FRMD6: variants seen among roughly 807,000 people sequenced by gnomAD.
FRMD6 encodes FERM domain-containing protein 6.
A neutral mutation model predicts 73.2 loss-of-function variants in FRMD6; 37 were observed. The ratio of observed to expected loss-of-function variants is 0.51; its 90% CI spans 0.39 to 0.66. FRMD6 has a LOEUF of 0.66. Among genes scored for constraint, FRMD6 ranks in the 30% least tolerant of loss-of-function variants. The probability of loss-of-function intolerance (pLI) is 0.00; values close to 1 mark genes in which losing one functional copy is unlikely to be tolerated. For synonymous variants in FRMD6, 273 were observed against 282.2 expected (o/e 0.97, Z 0.33); for missense variants, 714 against 780.5 (o/e 0.91, Z 1.02).
rs75865493 is a variant in FRMD6 at position 51,525,070 on chromosome 14, AATAGATAG to A, written c.-210+35696_-210+35703del. ...GAGAGAGAGAGAGACAGACAAATAG[AATAGATAG>A]ATAGATAGATAGATAGATAGATAGA... On this transcript the variant is annotated intron_variant, in intron 1 of 14. Coordinates refer to the FRMD6 transcript ENST00000356218. Among the ~76,000 whole-genome samples, 875 of 101,972 alleles carry A rather than the reference AATAGATAG, an allele frequency of 8.6e-3. 12 individuals carry two copies. Among genetic ancestry groups the A allele is most frequent in the Middle Eastern group, 0.013 (3 of 224 alleles). 66.9% of individuals were successfully genotyped at this position (101,972 alleles called of 152,430 possible). A position where few individuals can be genotyped will look rare whatever the true frequency, so the allele number is the denominator to read the frequency against.
intron 1 of FRMD6, among the ~76,000 whole-genome samples, chr14:51,653,637 C>T (rs536623649): frequency 6.6e-6 from 1 of 151,974 alleles, no homozygotes; most frequent in African/African-American, 2.4e-5. Flanking sequence ...GGGGAGAAGA[C>T]CAGAAGAGAG....
At chr14:51,552,212 A>C (rs1886878606) in intron 1 of FRMD6, among the ~76,000 whole-genome samples, 1 of 152,256 alleles carries the variant, frequency 6.6e-6, no homozygotes, top group African/African-American at 2.4e-5. Flanking sequence ...ATTTAAAGGG[A>C]GATTAAGATA....
chr14:51,438,098 G>A, the FRMD6 span, among the ~76,000 whole-genome samples: 2 of 152,180 alleles, frequency 1.3e-5, no homozygotes, highest in Admixed American at 6.5e-5. Context: ...AGTTATAGAA[G>A]GTGCAAAGGG....
At position 51,698,269 on chromosome 14, in the gene FRMD6, C is replaced by G. The variant is rs114289355; in HGVS notation, c.190+37C>G. The G allele has an allele frequency of 1.9e-5, 27 of 1,428,848 alleles. No homozygotes were observed. In the African/African-American group the frequency reaches 3.5e-4, roughly 19 times the overall value. The allele number at this position is 1,428,848 out of a possible 1,614,324, so 88.5% of individuals were successfully genotyped here. A position where few individuals can be genotyped will look rare whatever the true frequency, so the allele number is the denominator to read the frequency against. ...AGCCCTCTCTGATGGATTTAGCCAA[C>G]TATCCCTGAGGAAATGACATCTTAT... On this transcript the variant is annotated intron_variant, in intron 3 of 13. Coordinates refer to ENST00000344768, the MANE Select transcript of FRMD6 (RefSeq NM_001267046.2).
the FRMD6 span, among the ~76,000 whole-genome samples, chr14:51,476,440 T>C: frequency 1.3e-5 from 2 of 152,160 alleles, no homozygotes; most frequent in African/African-American, 4.8e-5. Context: ...CTCTGTGGAC[T>C]TTGAAAACAG....
At chr14:51,405,661 T>G in the FRMD6 span, among the ~76,000 whole-genome samples, 3 of 152,102 alleles carry the variant, frequency 2.0e-5, no homozygotes, top group African/African-American at 7.2e-5. Flanking sequence ...TTTAATGGGG[T>G]TATTTGTTTT....
intron 6 of FRMD6, 27 bp from the exon 7 acceptor site, chr14:51,708,051 C>G (rs1395237330): frequency 6.8e-6 from 11 of 1,608,968 alleles, no homozygotes; most frequent in African/African-American, 1.3e-5. Context: ...ACAAATGTTG[C>G]ATTGCACACC....
chr14:51,526,383 G>A (rs1170288545), intron 1 of FRMD6, among the ~76,000 whole-genome samples: 1 of 152,128 alleles, frequency 6.6e-6, no homozygotes, highest in Admixed American at 6.5e-5. Context: ...TCATGAGCAA[G>A]AAATACCAGG....
chr14:51,553,288 T>C (rs1269585499), intron 1 of FRMD6, among the ~76,000 whole-genome samples: 1 of 152,174 alleles, frequency 6.6e-6, no homozygotes, highest in Non-Finnish European at 1.5e-5. Context: ...AAATACATTA[T>C]TTCCAATGAA....
chr14:51,478,819 G>A, the FRMD6 span, among the ~76,000 whole-genome samples: 3 of 152,144 alleles, frequency 2.0e-5, no homozygotes, highest in African/African-American at 4.8e-5. Context: ...GCTATCTTTA[G>A]CCTAAATCAT....
chr14:51,448,582 T>G, the FRMD6 span, among the ~76,000 whole-genome samples: 1 of 152,196 alleles, frequency 6.6e-6, no homozygotes, highest in Non-Finnish European at 1.5e-5. Context: ...TATAAGTTAG[T>G]TACCCATTGG....
chr14:51,643,902 T>C (rs1414134485), intron 2 of FRMD6, among the ~76,000 whole-genome samples: 1 of 152,184 alleles, frequency 6.6e-6, no homozygotes, highest in Non-Finnish European at 1.5e-5. Context: ...TCTAGTAAAA[T>C]CCTGCTAATA....
intron 1 of FRMD6, among the ~76,000 whole-genome samples, chr14:51,508,538 G>A (rs1390683844): frequency 2.6e-5 from 4 of 152,162 alleles, no homozygotes; most frequent in East Asian, 1.9e-4. Context: ...ACAGGTGGTC[G>A]ACTATTGTTC....
chr14:51,639,348 T>A (rs1181956874), intron 2 of FRMD6, among the ~76,000 whole-genome samples: 1 of 151,624 alleles, frequency 6.6e-6, no homozygotes, highest in Non-Finnish European at 1.5e-5. Context: ...GGCAGGAGAA[T>A]GGCGTGAACC....
At chr14:51,590,106 T>A (rs867022055) in intron 2 of FRMD6, among the ~76,000 whole-genome samples, 5 of 151,470 alleles carry the variant, frequency 3.3e-5, no homozygotes, top group East Asian at 1.9e-4. Flanking sequence ...GAGAATTTTT[T>A]AAAAAGTTTT....
chr14:51,400,637 C>T, the FRMD6 span, among the ~76,000 whole-genome samples: 2 of 151,914 alleles, frequency 1.3e-5, no homozygotes, highest in South Asian at 4.2e-4. Context: ...TATATAATTA[C>T]AATAAAAAAC....
intron 1 of FRMD6, among the ~76,000 whole-genome samples, chr14:51,564,471 C>T (rs1436904304): frequency 2.0e-5 from 3 of 152,062 alleles, no homozygotes; most frequent in Non-Finnish European, 4.4e-5. Context: ...AAAAATGGAG[C>T]GACCTGAAGG....
chr14:51,494,776 A>T (rs778904286), intron 1 of FRMD6, among the ~76,000 whole-genome samples: 1 of 152,178 alleles, frequency 6.6e-6, no homozygotes, highest in Admixed American at 6.5e-5. Context: ...TGAAGGTGAC[A>T]GCCGTAATAT....
intron 1 of FRMD6, among the ~76,000 whole-genome samples, chr14:51,539,889 TA>T (rs1596559372): frequency 6.6e-6 from 1 of 152,156 alleles, no homozygotes; most frequent in East Asian, 1.9e-4. Context: ...TTACTTTCCT[TA>T]CCAAATTAGT....
Sources: gnomAD v4.1 joint callset for allele counts (sites outside exome capture counted in the v4.1 genomes callset) on GRCh38, gnomAD v4.1.1 for gene constraint, MANE v1.5 for transcripts, NCBI Gene and HGNC (gene_info 2026-07-23, HGNC 2026-07-21) for gene names.